Variants in FERMT3 observed in about 807,000 individuals in gnomAD.
FERMT3 encodes the protein fermitin family homolog 3.
In FERMT3, 33 loss-of-function variants were observed where a neutral mutation model predicts 80.8. The ratio of observed to expected loss-of-function variants is 0.41; its 90% CI spans 0.31 to 0.55. FERMT3 has a LOEUF of 0.55. FERMT3 is among the 20% of genes least tolerant of loss of function. FERMT3 has a pLI of 0.31. For missense variants in FERMT3, 754 were observed against 908.7 expected, an observed-to-expected ratio of 0.83 and a Z score of 2.19; for synonymous variants, 375 against 372.2, an observed-to-expected ratio of 1.01 and a Z score of -0.09.
In FERMT3 at chr11:64,211,784, A is replaced by C. The variant is rs368676745; in HGVS notation, c.786+37A>C. On this transcript the variant is annotated intron_variant, in intron 6 of 14. Transcript: ENST00000345728. The surrounding 1 kb of genome is among the most constrained non-coding windows in gnomAD (Gnocchi z 4.7). ...CAGGGAGAAAGCGGGCCTCAGGTCCATGAGATGTGGAGACCTAGGGCCTGG... is the reference window on the plus strand; with the variant it reads ...CAGGGAGAAAGCGGGCCTCAGGTCCCTGAGATGTGGAGACCTAGGGCCTGG... 6.3e-7 allele frequency: 1 copy of C among 1,599,290 alleles called. No individual in the cohort carries two copies. The highest frequency in any genetic ancestry group is 2.2e-5 in the East Asian group (1 of 44,790).
In FERMT3 at chr11:64,211,228, C is replaced by A. The variant is rs1028948080; in HGVS notation, c.515-47C>A. The A allele has an allele frequency of 5.0e-6, 8 of 1,609,954 alleles. No homozygotes were observed. The highest frequency in any genetic ancestry group is 6.8e-6 in the Non-Finnish European group (8 of 1,178,738). Reference sequence around the variant, plus strand: ...TGGGGGCAGGGGCCGGCCCGTGAGTCCCAGCCCTGGGGGACAGGCCTGGTT... The same window carrying A: ...TGGGGGCAGGGGCCGGCCCGTGAGTACCAGCCCTGGGGGACAGGCCTGGTT... On this transcript the variant is annotated intron_variant, in intron 4 of 14. Transcript: ENST00000345728. The surrounding 1 kb of genome is among the most constrained non-coding windows in gnomAD (Gnocchi z 4.7).
intron 12 of FERMT3, 144 bp from the exon 13 acceptor site, chr11:64,220,872 T>G: frequency 2.7e-6 from 4 of 1,476,176 alleles, no homozygotes; most frequent in Non-Finnish European, 3.7e-6. Context: ...CCTGGCGCAG[T>G]GCAGATCTGC....
intron 6 of FERMT3, among the ~76,000 whole-genome samples, chr11:64,218,850 A>G (rs888748354): frequency 6.6e-6 from 1 of 151,990 alleles, no homozygotes; most frequent in African/African-American, 2.4e-5. Flanking sequence ...CCCATGTTCC[A>G]TTCTGTCATC....
Position 64,210,583 on chromosome 11 carries a change from G to A in FERMT3, c.161-28G>A. 1 of 1,604,990 alleles carries A rather than the reference G, an allele frequency of 6.2e-7. No homozygotes were observed. The highest frequency in any genetic ancestry group is 8.5e-7 in the Non-Finnish European group (1 of 1,172,056). On this transcript the variant is annotated intron_variant, in intron 2 of 14. Transcript: ENST00000345728. This position sits in a 1 kb window ranked among gnomAD's most constrained non-coding sequence, Gnocchi z 4.3. ...TTGGGGGCACCAGGGAGGAAGGTTG[G>A]ACCCAGATGTGCCCCCGTGCCCCAC...
chr11:64,221,528 G>T (rs981415731), intron 13 of FERMT3, among the ~76,000 whole-genome samples: 1 of 152,178 alleles, frequency 6.6e-6, no homozygotes, highest in Non-Finnish European at 1.5e-5. Flanking sequence ...CTACTCAGGA[G>T]GCTGAGGTGG....
Position 64,211,742 on chromosome 11 carries a change from C to A in FERMT3, c.781C>A (p.Pro261Thr). 2 of 1,614,138 alleles carry A rather than the reference C, an allele frequency of 1.2e-6. No homozygotes were observed. The highest frequency in any genetic ancestry group is 2.2e-5 in the East Asian group (1 of 44,888). ...FKYYSFFDLD[P>T]KTDPVRLTQL... Reference sequence around the variant, plus strand: ...GTACTACAGCTTCTTCGATTTGGATCCCAAGGTGGGTCGGGGCAGGGAGAA... The same window carrying A: ...GTACTACAGCTTCTTCGATTTGGATACCAAGGTGGGTCGGGGCAGGGAGAA... The change falls in exon 6 of 15, where the codon CCC becomes ACC. Residue 261 changes from proline (P) to threonine (T), a missense_variant. By Grantham distance (38) the Pro-to-Thr change is conservative. Coordinates refer to ENST00000345728, the MANE Select transcript of FERMT3 (RefSeq NM_031471.6). This position sits in a 1 kb window ranked among gnomAD's most constrained non-coding sequence, Gnocchi z 4.7.
Position 64,221,021 on chromosome 11 carries a change from C to T in FERMT3, c.1551C>T (p.Thr517=). The change falls in exon 13 of 15, where the codon ACC becomes ACT. Residue 517 remains threonine (T), a synonymous_variant. Transcript: ENST00000345728. ...TCACCAGTATGGTCCCGCAGCTCACCCCACGGATCCTGGAAGCCCACCAGA... is the reference window on the plus strand; with the variant it reads ...TCACCAGTATGGTCCCGCAGCTCACTCCACGGATCCTGGAAGCCCACCAGA... ...FQRKFKAKQL[T]PRILEAHQNV... The T allele has an allele frequency of 6.2e-7, 1 of 1,612,380 alleles. No individual in the cohort carries two copies. Among genetic ancestry groups the T allele is most frequent in the Non-Finnish European group, 8.5e-7 (1 of 1,179,954 alleles).
chr11:64,210,204 G>A lies in FERMT3; in HGVS notation c.161-407G>A, dbSNP rs556556444. 3.3e-5 allele frequency among the ~76,000 whole-genome samples: 5 copies of A among 152,336 alleles called. No individual in the cohort carries two copies. Among genetic ancestry groups the A allele is most frequent in the Non-Finnish European group, 5.9e-5 (4 of 68,028 alleles). On this transcript the variant is annotated intron_variant, in intron 2 of 14. Coordinates refer to ENST00000345728, the MANE Select transcript of FERMT3 (RefSeq NM_031471.6). This position sits in a 1 kb window ranked among gnomAD's most constrained non-coding sequence, Gnocchi z 4.3. ...GGTCCAGGCCCTGAGGACATACAACGGTGAGACAGACGTAGTCTCTGCCTC... is the reference window on the plus strand; with the variant it reads ...GGTCCAGGCCCTGAGGACATACAACAGTGAGACAGACGTAGTCTCTGCCTC...
chr11:64,214,199 G>A (rs1469919793), intron 6 of FERMT3, among the ~76,000 whole-genome samples: 2 of 53,282 alleles, frequency 3.8e-5, no homozygotes, highest in Admixed American at 4.6e-4. Context: ...GATGAGTTTT[G>A]CTCTTGTTGC....
Position 64,210,960 on chromosome 11 carries a change from C to A in FERMT3, c.395-92C>A. On this transcript the variant is annotated intron_variant, in intron 3 of 14. Coordinates refer to ENST00000345728, the MANE Select transcript of FERMT3 (RefSeq NM_031471.6). The surrounding 1 kb of genome is among the most constrained non-coding windows in gnomAD (Gnocchi z 4.3). Reference sequence around the variant, plus strand: ...CTTGCTGTCTGGGTTGCCACCCTGCCTGCAGGGCTGTGACCCGCCCCAAGC... The same window carrying A: ...CTTGCTGTCTGGGTTGCCACCCTGCATGCAGGGCTGTGACCCGCCCCAAGC... 6.2e-7 allele frequency: 1 copy of A among 1,606,538 alleles called. No individual in the cohort carries two copies. Among genetic ancestry groups the A allele is most frequent in the Non-Finnish European group, 8.5e-7 (1 of 1,176,622 alleles).
At position 64,211,597 on chromosome 11, in the gene FERMT3, A is replaced by C. The variant is rs1173803476; in HGVS notation, c.684-48A>C. 8.4e-6 allele frequency: 13 copies of C among 1,553,012 alleles called. No homozygotes were observed. The highest frequency in any genetic ancestry group is 2.3e-5 in the East Asian group (1 of 44,018). ...CCAGCCCAGCCCCCCTCCCCACCCC[A>C]CGGCCGTACCTGGCGCAGCCCTGAC... On this transcript the variant is annotated intron_variant, in intron 5 of 14. Coordinates refer to ENST00000345728, the MANE Select transcript of FERMT3 (RefSeq NM_031471.6). The surrounding 1 kb of genome is among the most constrained non-coding windows in gnomAD (Gnocchi z 4.7).
At position 64,211,463 on chromosome 11, in the gene FERMT3, C is replaced by A; in HGVS notation, c.683+20C>A. The A allele has an allele frequency of 1.3e-6, 2 of 1,569,208 alleles. No individual in the cohort carries two copies. The highest frequency in any genetic ancestry group is 1.7e-6 in the Non-Finnish European group (2 of 1,162,074). On this transcript the variant is annotated intron_variant, in intron 5 of 14. Coordinates refer to ENST00000345728, the MANE Select transcript of FERMT3 (RefSeq NM_031471.6). The surrounding 1 kb of genome is among the most constrained non-coding windows in gnomAD (Gnocchi z 4.7). Reference sequence around the variant, plus strand: ...CAGCAGGTGCACCCAGGAGCCACGCCCCCTGTGTCAGGGCTCCCCCACCCA... The same window carrying A: ...CAGCAGGTGCACCCAGGAGCCACGCACCCTGTGTCAGGGCTCCCCCACCCA...
At chr11:64,208,846 G>T (rs1490649538) in intron 2 of FERMT3, among the ~76,000 whole-genome samples, 7 of 152,212 alleles carry the variant, frequency 4.6e-5, no homozygotes, top group African/African-American at 1.7e-4. Context: ...TGGCCCCGAA[G>T]GCCTCCAGAA....
At chr11:64,217,949 C>G (rs1393840368) in intron 6 of FERMT3, among the ~76,000 whole-genome samples, 1 of 152,114 alleles carries the variant, frequency 6.6e-6, no homozygotes, top group Non-Finnish European at 1.5e-5. Flanking sequence ...TCTGCATAAC[C>G]CAGTTCCCAT....
At chr11:64,209,869 T>C (rs1165714296) in intron 2 of FERMT3, among the ~76,000 whole-genome samples, 2 of 152,190 alleles carry the variant, frequency 1.3e-5, no homozygotes, top group Non-Finnish European at 1.5e-5. Flanking sequence ...TCCCACCTGT[T>C]CATGCTCCTG....
chr11:64,216,209 T>TA (rs1215868869), intron 6 of FERMT3, among the ~76,000 whole-genome samples: 1 of 150,202 alleles, frequency 6.7e-6, no homozygotes, highest in African/African-American at 2.5e-5. Flanking sequence ...TTTTTTTTTT[T>TA]TTTTTGAGAT....
At chr11:64,212,534 C>T (rs1168549107) in intron 6 of FERMT3, among the ~76,000 whole-genome samples, 1 of 152,238 alleles carries the variant, frequency 6.6e-6, no homozygotes. Context: ...TCCAGGCTAT[C>T]TGTTCCCTGG....
At position 64,210,553 on chromosome 11, in the gene FERMT3, G is replaced by C. The variant is rs1442163213; in HGVS notation, c.161-58G>C. ...GGCTTCTGAATCCTGGGGTTGTGCT[G>C]GGTGTTGGGGGCACCAGGGAGGAAG... On this transcript the variant is annotated intron_variant, in intron 2 of 14. Transcript: ENST00000345728. The surrounding 1 kb of genome is among the most constrained non-coding windows in gnomAD (Gnocchi z 4.3). The C allele has an allele frequency of 1.3e-6, 2 of 1,538,280 alleles. No individual in the cohort carries two copies. The highest frequency in any genetic ancestry group is 2.3e-5 in the East Asian group (1 of 44,314).
chr11:64,210,540 C>T lies in FERMT3; in HGVS notation c.161-71C>T, dbSNP rs1946412774. The T allele has an allele frequency of 3.3e-6, 5 of 1,497,964 alleles. No homozygotes were observed. The highest frequency in any genetic ancestry group is 4.6e-6 in the Non-Finnish European group (5 of 1,078,126). 92.8% of individuals were successfully genotyped at this position (1,497,964 alleles called of 1,614,324 possible). Reference sequence around the variant, plus strand: ...AGTGGTCGCCCCAGGCTTCTGAATCCTGGGGTTGTGCTGGGTGTTGGGGGC... The same window carrying T: ...AGTGGTCGCCCCAGGCTTCTGAATCTTGGGGTTGTGCTGGGTGTTGGGGGC... On this transcript the variant is annotated intron_variant, in intron 2 of 14. Transcript: ENST00000345728. The surrounding 1 kb of genome is among the most constrained non-coding windows in gnomAD (Gnocchi z 4.3).
Sources: gnomAD v4.1 joint callset for allele counts (sites outside exome capture counted in the v4.1 genomes callset) on GRCh38, gnomAD v4.1.1 for gene constraint, Gnocchi (gnomAD v3.1) non-coding constraint, MANE v1.5 for transcripts, NCBI Gene and HGNC (gene_info 2026-07-23, HGNC 2026-07-21) for gene names.